The following LATS1 variants were observed in gnomAD, a reference collection of about 807,000 sequenced individuals.
The protein encoded by LATS1 is large tumor suppressor kinase 1, also known as serine/threonine-protein kinase LATS1.
In LATS1, 25 loss-of-function variants were observed where a neutral mutation model predicts 106.6. The observed-to-expected ratio is 0.23, with a 90% CI of 0.17 to 0.33. The LOEUF (loss-of-function observed/expected upper bound fraction) is 0.33, where lower values mean the gene tolerates loss of function less well. Among genes scored for constraint, LATS1 ranks in the 10% least tolerant of loss-of-function variants. The pLI, the probability that LATS1 is intolerant of heterozygous loss-of-function variation, is 1.00. For synonymous variants in LATS1, 465 were observed against 455.6 expected (o/e 1.02, Z -0.26); for missense variants, 1,040 against 1,382.6 (o/e 0.75, Z 3.93).
rs1179055042 is a variant in LATS1, at chr6:149,676,557, G to T, written c.2774C>A (p.Thr925Lys). The T allele has an allele frequency of 6.2e-7, 1 of 1,613,340 alleles. No individual in the cohort carries two copies. The highest frequency in any genetic ancestry group is 8.5e-7 in the Non-Finnish European group (1 of 1,179,596). ...NYIAPEVLLR[T>K]GYTQLCDWWS... ...TATATATGAAAGAAGTGCTTTACCT[G>T]TTCGTAGCAACACTTCAGGTGCAAT... Residue 925 changes from threonine to lysine, a missense_variant and splice_region_variant, in exon 6 of 8, where the codon ACA becomes AAA. By Grantham distance (78) the Thr-to-Lys change is moderately conservative. This residue lies in a region of LATS1 where 23 missense variants were observed against 56.9 expected (regional missense o/e 0.40). Coordinates refer to ENST00000543571, the MANE Select transcript of LATS1 (RefSeq NM_004690.4).
intron 1 of LATS1, among the ~76,000 whole-genome samples, chr6:149,705,862 T>C (rs1418796518): frequency 1.3e-5 from 2 of 152,106 alleles, no homozygotes; most frequent in African/African-American, 4.8e-5. Flanking sequence ...TGAGAATCAC[T>C]GTAGCGGGCT....
At chr6:149,677,338 A>G (rs556105600) in intron 5 of LATS1, among the ~76,000 whole-genome samples, 9 of 152,364 alleles carry the variant, frequency 5.9e-5, no homozygotes, top group Admixed American at 5.9e-4. Flanking sequence ...TAGGTATTCC[A>G]CACAGAAATA....
rs947258947 is a variant in LATS1, at chr6:149,659,309, G to C, written c.*2420C>G. On this transcript the variant is annotated 3_prime_UTR_variant, in exon 8 of 8. Coordinates refer to ENST00000543571, the MANE Select transcript of LATS1 (RefSeq NM_004690.4). ...ATGGCGAAACCCCATCTCTACTAAA[G>C]ATACAAAAATTAGCTGGGCTTGGTG... The C allele has an allele frequency of 5.3e-6, 1 of 187,876 alleles. No individual in the cohort carries two copies. The highest frequency in any genetic ancestry group is 8.4e-5 in the East Asian group (1 of 11,922). The allele number at this position is 187,876 out of a possible 1,614,324, so 11.6% of individuals were successfully genotyped here.
Position 149,658,718 on chromosome 6 carries a change from G to A in LATS1, c.*3011C>T, listed in dbSNP as rs1397751299. On this transcript the variant is annotated 3_prime_UTR_variant, in exon 8 of 8. Transcript: ENST00000543571. ...ACTTTTTAAAAAAGTCAATCTCAAA[G>A]TGACTTTTTAGTCATACATTCTATA... The A allele has an allele frequency of 6.6e-6, 1 of 152,102 alleles. No homozygotes were observed. The highest frequency in any genetic ancestry group is 2.4e-5 in the African/African-American group (1 of 41,416). The allele number at this position is 152,102 out of a possible 1,614,324, so 9.4% of individuals were successfully genotyped here.
At chr6:149,663,687 T>C (rs913815786) in intron 7 of LATS1, among the ~76,000 whole-genome samples, 1 of 151,870 alleles carries the variant, frequency 6.6e-6, no homozygotes, top group Non-Finnish European at 1.5e-5. Context: ...CAACTAATAA[T>C]AGAATATTTT....
At position 149,660,776 on chromosome 6, in the gene LATS1, T is replaced by G. The variant is rs1780854255; in HGVS notation, c.*953A>C. On this transcript the variant is annotated 3_prime_UTR_variant, in exon 8 of 8. Coordinates refer to ENST00000543571, the MANE Select transcript of LATS1 (RefSeq NM_004690.4). ...TGCGCTTAGGTAAAATATTGCCAGA[T>G]AGCCAGATTTTCCTTTGCCAATAAC... 2 of 224,230 alleles carry G rather than the reference T, an allele frequency of 8.9e-6. No homozygotes were observed. The highest frequency in any genetic ancestry group is 1.8e-4 in the South Asian group (1 of 5,448). 13.9% of individuals were successfully genotyped at this position (224,230 alleles called of 1,614,324 possible). A position where few individuals can be genotyped will look rare whatever the true frequency, so the allele number is the denominator to read the frequency against.
At chr6:149,682,412 TTTC>T (rs1167835560) in intron 4 of LATS1, among the ~76,000 whole-genome samples, 1 of 151,504 alleles carries the variant, frequency 6.6e-6, no homozygotes, top group African/African-American at 2.4e-5. Context: ...GTATTTCTTT[TTTC>T]TTTTTTTTTT....
intron 3 of LATS1, among the ~76,000 whole-genome samples, chr6:149,685,524 T>C (rs1782323467): frequency 6.6e-6 from 1 of 152,112 alleles, no homozygotes; most frequent in African/African-American, 2.4e-5. Context: ...TAGCTGGGAC[T>C]ACAGGCGCAC....
At chr6:149,676,781 A>AGGTTTACTGTTGTCATT in intron 5 of LATS1, 44 bp from the exon 6 acceptor site, 1 of 1,534,944 alleles carries the variant, frequency 6.5e-7, no homozygotes, top group Non-Finnish European at 8.9e-7. Flanking sequence ...CAATGACAAC[A>AGGTTTACTGTTGTCATT]GTAAACCTGA....
chr6:149,699,732 C>T (rs1318951206), intron 2 of LATS1, among the ~76,000 whole-genome samples: 1 of 152,074 alleles, frequency 6.6e-6, no homozygotes, highest in Non-Finnish European at 1.5e-5. Context: ...CTAAAACTGT[C>T]TTTATTAGAA....
At position 149,702,001 on chromosome 6, in the gene LATS1, A is replaced by G; in HGVS notation, c.126T>C (p.Ser42=). Residue 42 remains serine, a synonymous_variant, in exon 2 of 8, where the codon TCT becomes TCC. Transcript: ENST00000543571. ...QEIRESLRNL[S]KPSDAAKAEH... ...CAGCCTTAGCAGCATCAGATGGTTTAGATAAATTCCTAAGGGATTCCCGAA... is the reference window on the plus strand; with the variant it reads ...CAGCCTTAGCAGCATCAGATGGTTTGGATAAATTCCTAAGGGATTCCCGAA... 1 of 1,614,188 alleles carries G rather than the reference A, an allele frequency of 6.2e-7. No homozygotes were observed.
At chr6:149,671,533 G>A (rs1177212120) in intron 7 of LATS1, among the ~76,000 whole-genome samples, 3 of 151,920 alleles carry the variant, frequency 2.0e-5, no homozygotes, top group Non-Finnish European at 4.4e-5. Flanking sequence ...AGATCAAATG[G>A]CCATAGTGGT....
At position 149,700,158 on chromosome 6, in the gene LATS1, A is replaced by G. The variant is rs546804886; in HGVS notation, c.348+1621T>C. 3.1e-4 allele frequency among the ~76,000 whole-genome samples: 47 copies of G among 152,306 alleles called. No homozygotes were observed. In the South Asian group the frequency reaches 8.9e-3, roughly 29 times the overall value. On this transcript the variant is annotated intron_variant, in intron 2 of 7. Transcript: ENST00000543571. ...AGAAAATAATATTAATCAAATAAGTAAACAGAATGTGCCAGAAATAAAATT... is the reference window on the plus strand; with the variant it reads ...AGAAAATAATATTAATCAAATAAGTGAACAGAATGTGCCAGAAATAAAATT...
intron 3 of LATS1, among the ~76,000 whole-genome samples, chr6:149,690,663 C>A (rs1479218043): frequency 6.6e-6 from 1 of 152,024 alleles, no homozygotes; most frequent in African/African-American, 2.4e-5. Flanking sequence ...CCCCCCAACT[C>A]AGCCTCCTGA....
intron 3 of LATS1, among the ~76,000 whole-genome samples, chr6:149,686,077 CAAA>C (rs1365095565): frequency 6.6e-6 from 1 of 151,904 alleles, no homozygotes; most frequent in African/African-American, 2.4e-5. Flanking sequence ...AAAAACAAAA[CAAA>C]AAAGAATACT....
intron 4 of LATS1, 97 bp from the exon 5 acceptor site, chr6:149,680,554 T>A: frequency 1.2e-6 from 1 of 802,442 alleles, no homozygotes; most frequent in Non-Finnish European, 2.0e-6. Context: ...ATTTAAAGGT[T>A]AAATGCATAA....
Position 149,717,968 on chromosome 6 carries a change from C to CG in LATS1, c.-261dup, listed in dbSNP as rs776480344. On this transcript the variant is annotated 5_prime_UTR_variant, in exon 1 of 8. Coordinates refer to ENST00000543571, the MANE Select transcript of LATS1 (RefSeq NM_004690.4). ...TGGTGGGGCAGAGCGGGGAGACGAACGGGGGGGCTGCCGCGGGCCAGCGCG... is the reference window on the plus strand; with the variant it reads ...TGGTGGGGCAGAGCGGGGAGACGAACGGGGGGGGCTGCCGCGGGCCAGCGCG... 96 of 364,066 alleles carry CG rather than the reference C, an allele frequency of 2.6e-4. 3 individuals carry two copies. In the Middle Eastern group the frequency reaches 0.013, roughly 49 times the overall value. 22.6% of individuals were successfully genotyped at this position (364,066 alleles called of 1,614,324 possible).
intron 1 of LATS1, among the ~76,000 whole-genome samples, chr6:149,703,992 C>A (rs1783609394): frequency 6.6e-6 from 1 of 152,168 alleles, no homozygotes. Context: ...ACATCTAAGT[C>A]AAAAAGAATG....
chr6:149,682,696 G>A (rs114964673), intron 4 of LATS1, among the ~76,000 whole-genome samples: 2,416 of 152,094 alleles, frequency 0.016, 67 homozygotes, highest in African/African-American at 0.056. Context: ...TTACAGGCGT[G>A]AGCCCCCATG....
Sources: gnomAD v4.1 joint callset for allele counts (sites outside exome capture counted in the v4.1 genomes callset) on GRCh38, gnomAD v4.1.1 for gene constraint, gnomAD v4.1.1 regional missense constraint, MANE v1.5 for transcripts, NCBI Gene and HGNC (gene_info 2026-07-23, HGNC 2026-07-21) for gene names.